Variants in IL36B observed in about 807,000 individuals in gnomAD.
IL36B encodes interleukin 36 beta.
In IL36B, 23 loss-of-function variants were observed where a neutral mutation model predicts 19.3. That is an observed-to-expected ratio of 1.19 (90% CI 0.86 to 1.69). The LOEUF is 1.69. Ranked by LOEUF, IL36B falls within the 40% of genes most tolerant of loss-of-function variation. IL36B has a pLI of 0.00. For synonymous variants in IL36B, 59 were observed against 59.7 expected (o/e 0.99, Z 0.05); for missense variants, 217 against 200.5 (o/e 1.08, Z -0.50).
chr2:113,041,206 G>A (rs1307248267), intron 1 of IL36B, among the ~76,000 whole-genome samples: 2 of 151,156 alleles, frequency 1.3e-5, no homozygotes, highest in Non-Finnish European at 2.9e-5. Context: ...AACAAGCTTG[G>A]AGAAAGATGA....
At chr2:113,032,966 G>T (rs1274913473) in intron 1 of IL36B, among the ~76,000 whole-genome samples, 1 of 152,220 alleles carries the variant, frequency 6.6e-6, no homozygotes, top group African/African-American at 2.4e-5. Flanking sequence ...CAGATGCTGA[G>T]TTGAGGAGAG....
chr2:113,032,564 T>A (rs551391161), intron 1 of IL36B, among the ~76,000 whole-genome samples: 44 of 152,290 alleles, frequency 2.9e-4, no homozygotes, highest in African/African-American at 9.4e-4. Flanking sequence ...CAGTACTCTG[T>A]ACCTTTGACA....
chr2:113,039,461 C>A (rs1685210036), intron 1 of IL36B, among the ~76,000 whole-genome samples: 2 of 152,148 alleles, frequency 1.3e-5, no homozygotes, highest in Admixed American at 6.5e-5. Flanking sequence ...TACAATATTA[C>A]AGTCTTAGGC....
intron 3 of IL36B, among the ~76,000 whole-genome samples, chr2:113,030,584 C>T (rs1053281827): frequency 4.6e-5 from 7 of 152,140 alleles, no homozygotes; most frequent in Admixed American, 3.9e-4. Flanking sequence ...CATTGAAGTT[C>T]TGGATACAGG....
intron 1 of IL36B, among the ~76,000 whole-genome samples, chr2:113,047,001 T>G (rs1685361751): frequency 6.6e-6 from 1 of 152,232 alleles, no homozygotes; most frequent in African/African-American, 2.4e-5. Flanking sequence ...GGGAGATTAG[T>G]CTGTCTTATT....
chr2:113,043,993 C>A (rs1287198395), intron 1 of IL36B, among the ~76,000 whole-genome samples: 1 of 152,132 alleles, frequency 6.6e-6, no homozygotes, highest in South Asian at 2.1e-4. Flanking sequence ...ATGTCAATTT[C>A]TTTAATAAAA....
Position 113,022,239 on chromosome 2 carries a change from G to T in IL36B, c.*435C>A, listed in dbSNP as rs1384389754. The T allele has an allele frequency of 1.3e-5, 2 of 154,062 alleles. No homozygotes were observed. The allele number at this position is 154,062 out of a possible 1,614,324, so 9.5% of individuals were successfully genotyped here. A position where few individuals can be genotyped will look rare whatever the true frequency, so the allele number is the denominator to read the frequency against. ...ACTCCTCATGCTCTAGTGAATAATTGCACATTATGTAAATAATTTTGAATA... is the reference window on the plus strand; with the variant it reads ...ACTCCTCATGCTCTAGTGAATAATTTCACATTATGTAAATAATTTTGAATA... On this transcript the variant is annotated 3_prime_UTR_variant, in exon 6 of 6. Coordinates refer to ENST00000259213, the MANE Select transcript of IL36B (RefSeq NM_014438.5).
chr2:113,049,419 T>G (rs529784041), intron 1 of IL36B, among the ~76,000 whole-genome samples: 5 of 152,124 alleles, frequency 3.3e-5, no homozygotes, highest in Non-Finnish European at 7.4e-5. Context: ...AGAATATATA[T>G]AGAACTCCTG....
chr2:113,031,356 C>T (rs1685072255), intron 2 of IL36B, among the ~76,000 whole-genome samples: 1 of 152,044 alleles, frequency 6.6e-6, no homozygotes. Flanking sequence ...TACGTGCAGT[C>T]ACAGTCCCAA....
chr2:113,033,297 T>A (rs1341115504), intron 1 of IL36B, among the ~76,000 whole-genome samples: 1 of 152,224 alleles, frequency 6.6e-6, no homozygotes, highest in East Asian at 1.9e-4. Context: ...AGTGGCACGA[T>A]CTCGGCTCAT....
At chr2:113,025,445 C>T (rs1428339977) in intron 5 of IL36B, among the ~76,000 whole-genome samples, 2 of 152,198 alleles carry the variant, frequency 1.3e-5, no homozygotes, top group African/African-American at 2.4e-5. Flanking sequence ...TGAGAAACTG[C>T]TAAGAGGGAG....
intron 1 of IL36B, among the ~76,000 whole-genome samples, chr2:113,045,912 T>C (rs1685340564): frequency 6.6e-6 from 1 of 152,192 alleles, no homozygotes; most frequent in African/African-American, 2.4e-5. Flanking sequence ...CTGTATCAGT[T>C]CTGGGTTGGC....
At chr2:113,050,996 T>G (rs943356155) in intron 1 of IL36B, among the ~76,000 whole-genome samples, 2 of 151,350 alleles carry the variant, frequency 1.3e-5, no homozygotes, top group Non-Finnish European at 2.9e-5. Context: ...CCTCTCAGCC[T>G]GGCCTCCTGA....
chr2:113,049,640 A>G (rs923536353), intron 1 of IL36B, among the ~76,000 whole-genome samples: 17 of 152,196 alleles, frequency 1.1e-4, no homozygotes, highest in African/African-American at 4.1e-4. Flanking sequence ...AAAATAGAAA[A>G]TAACAAGTGT....
At chr2:113,049,679 G>A (rs1558838581) in intron 1 of IL36B, among the ~76,000 whole-genome samples, 2 of 152,222 alleles carry the variant, frequency 1.3e-5, no homozygotes, top group Non-Finnish European at 2.9e-5. Flanking sequence ...ATTGGGTGGG[G>A]CGTGATGGCT....
chr2:113,042,804 C>A (rs1685283349), intron 1 of IL36B, among the ~76,000 whole-genome samples: 2 of 152,134 alleles, frequency 1.3e-5, no homozygotes, highest in Non-Finnish European at 2.9e-5. Flanking sequence ...TAAATTAATA[C>A]CTAGAAGTGG....
chr2:113,032,131 GTC>G (rs142180658), intron 1 of IL36B, among the ~76,000 whole-genome samples: 7 of 120,508 alleles, frequency 5.8e-5, no homozygotes, highest in African/African-American at 2.5e-4. Flanking sequence ...GCGTGTGTGT[GTC>G]TGTGTGTGTG....
In IL36B at chr2:113,022,571, C is replaced by T; in HGVS notation, c.*103G>A. On this transcript the variant is annotated 3_prime_UTR_variant, in exon 6 of 6. Coordinates refer to ENST00000259213, the MANE Select transcript of IL36B (RefSeq NM_014438.5). ...CTTGTTTTACAAACTCTCCAGAACC[C>T]AAGAAAAGAGAAAAATTTCTGCAAC... 1.3e-6 allele frequency: 1 copy of T among 747,240 alleles called. No homozygotes were observed. Among genetic ancestry groups the T allele is most frequent in the Non-Finnish European group, 2.3e-6 (1 of 432,242 alleles). The allele number at this position is 747,240 out of a possible 1,614,324, so 46.3% of individuals were successfully genotyped here.
rs56838257 is a variant in IL36B at position 113,044,260 on chromosome 2, A to ATGTGTG, written c.-58+8551_-58+8556dup. On this transcript the variant is annotated intron_variant, in intron 1 of 5. Transcript: ENST00000259213. ...TTTACTTTGATATATCTATATCTATATGTGTGTGTGTGTGTGTGTGTGTGT... is the reference window on the plus strand; with the variant it reads ...TTTACTTTGATATATCTATATCTATATGTGTGTGTGTGTGTGTGTGTGTGTGTGTGT... Among the ~76,000 whole-genome samples the ATGTGTG allele has an allele frequency of 4.7e-3, 664 of 142,522 alleles. 2 individuals are homozygous for ATGTGTG. The highest frequency in any genetic ancestry group is 0.025 in the Middle Eastern group (7 of 282). 93.5% of individuals were successfully genotyped at this position (142,522 alleles called of 152,430 possible). A position where few individuals can be genotyped will look rare whatever the true frequency, so the allele number is the denominator to read the frequency against.
Sources: gnomAD v4.1 joint callset for allele counts (sites outside exome capture counted in the v4.1 genomes callset) on GRCh38, gnomAD v4.1.1 for gene constraint, MANE v1.5 for transcripts, NCBI Gene and HGNC (gene_info 2026-07-23, HGNC 2026-07-21) for gene names.